The following SULT6B1 variants were observed in gnomAD, a reference collection of about 807,000 sequenced individuals.
The protein encoded by SULT6B1 is sulfotransferase family 6B member 1.
SULT6B1 carries 44 observed loss-of-function variants against 37.2 expected under a neutral mutation model. That is an observed-to-expected ratio of 1.18 (90% CI 0.93 to 1.52). The LOEUF is 1.52. SULT6B1 is among the 40% of genes most tolerant of loss of function. The pLI is 0.00. For synonymous variants in SULT6B1, 140 were observed against 126.0 expected (o/e 1.11, Z -0.74); for missense variants, 450 against 361.0 (o/e 1.25, Z -2.00).
In SULT6B1 at chr2:37,184,710, T is replaced by C. The variant is rs562486576; in HGVS notation, c.313-1196A>G. On this transcript the variant is annotated intron_variant, in intron 2 of 6. Transcript: ENST00000535679. ...AGCTGGGCGTGGTGGTGCACACCTG[T>C]AGTCCCAGCTACTCAGGAGGCTGAG... 1.9e-3 allele frequency among the ~76,000 whole-genome samples: 292 copies of C among 152,300 alleles called. 1 individual carries two copies. The highest frequency in any genetic ancestry group is 2.3e-3 in the Non-Finnish European group (159 of 68,030).
chr2:37,190,293 C>T (rs1676756126), upstream of SULT6B1, among the ~76,000 whole-genome samples: 1 of 152,186 alleles, frequency 6.6e-6, no homozygotes, highest in African/African-American at 2.4e-5. Flanking sequence ...TATGCTTCTT[C>T]CATTTTTCTA....
intron 3 of SULT6B1, among the ~76,000 whole-genome samples, chr2:37,180,526 C>A (rs1558448482): frequency 6.6e-6 from 1 of 152,242 alleles, no homozygotes; most frequent in East Asian, 1.9e-4. Context: ...GGTGGAGTAG[C>A]TTATGATTTC....
rs367596840 is a variant in SULT6B1 at position 37,171,538 on chromosome 2, G to A, written c.677C>T (p.Thr226Ile). Residue 226 changes from threonine to isoleucine, a missense_variant, in exon 6 of 7, where the codon ACT becomes ATT. Physicochemically the swap from Thr to Ile is moderately conservative, Grantham distance 89. Transcript: ENST00000535679. ...QIAEFLGFFL[T>I]GEQIQTISVQ... is the part of the protein sequence containing the mutation. Reference sequence around the variant, plus strand: ...TGAGATAGTTTGAATTTGCTCCCCAGTTAGAAAGAATCCCAAGAACTCAGC... The same window carrying A: ...TGAGATAGTTTGAATTTGCTCCCCAATTAGAAAGAATCCCAAGAACTCAGC... 34 of 1,614,042 alleles carry A rather than the reference G, an allele frequency of 2.1e-5. No homozygotes were observed. The highest frequency in any genetic ancestry group is 2.4e-5 in the Non-Finnish European group (28 of 1,180,018).
intron 3 of SULT6B1, 52 bp downstream of exon 3, chr2:37,183,373 A>G: frequency 7.1e-7 from 1 of 1,400,078 alleles, no homozygotes; most frequent in African/African-American, 1.4e-5. Flanking sequence ...TCCAAAAACT[A>G]ATATCTATAC....
chr2:37,176,446 G>A (rs892677321), intron 4 of SULT6B1, among the ~76,000 whole-genome samples: 3 of 151,830 alleles, frequency 2.0e-5, no homozygotes, highest in Admixed American at 2.0e-4. Flanking sequence ...TTTTGGTAGA[G>A]ACGAGGTTTC....
chr2:37,191,917 T>A (rs1292104024), upstream of SULT6B1, among the ~76,000 whole-genome samples: 1 of 152,198 alleles, frequency 6.6e-6, no homozygotes, highest in South Asian at 2.1e-4. Flanking sequence ...CTGGCATCCC[T>A]GTTTGGGTGT....
chr2:37,170,945 A>T (rs3891003), intron 6 of SULT6B1, among the ~76,000 whole-genome samples: 38,424 of 151,956 alleles, frequency 0.25, 5,604 homozygotes, highest in Middle Eastern at 0.35. Flanking sequence ...ACCCTAAAAG[A>T]TGGTATGGGG....
chr2:37,171,393 T>C (rs966106407), intron 6 of SULT6B1, 41 bp downstream of exon 6: 1 of 1,600,716 alleles, frequency 6.2e-7, no homozygotes, highest in Admixed American at 1.7e-5. Flanking sequence ...GCAAAGTCAG[T>C]CCCTAACTGA....
upstream of SULT6B1, chr2:37,188,679 A>G (rs150459345): frequency 1.0e-3 from 728 of 730,000 alleles, 3 homozygotes; most frequent in East Asian, 0.019. Flanking sequence ...GTGGCTGTTC[A>G]GGGGGAGTGA....
chr2:37,178,188 G>A (rs182619344), intron 4 of SULT6B1, among the ~76,000 whole-genome samples: 5 of 152,172 alleles, frequency 3.3e-5, no homozygotes, highest in African/African-American at 1.2e-4. Flanking sequence ...GAGATTACAG[G>A]CATGAGACAC....
At chr2:37,179,787 T>C (rs965479719) in intron 3 of SULT6B1, among the ~76,000 whole-genome samples, 4 of 152,048 alleles carry the variant, frequency 2.6e-5, no homozygotes, top group Non-Finnish European at 4.4e-5. Context: ...AAGAAAAAGA[T>C]TGATATTGTT....
At position 37,171,530 on chromosome 2, in the gene SULT6B1, G is replaced by T; in HGVS notation, c.685C>A (p.Gln229Lys). The T allele has an allele frequency of 6.2e-7, 1 of 1,614,114 alleles. No individual in the cohort carries two copies. Among genetic ancestry groups the T allele is most frequent in the Non-Finnish European group, 8.5e-7 (1 of 1,180,010 alleles). ...CTCTGGACTGAGATAGTTTGAATTT[G>T]CTCCCCAGTTAGAAAGAATCCCAAG... ...EFLGFFLTGE[Q>K]IQTISVQSTF... Residue 229 changes from glutamine to lysine, a missense_variant, in exon 6 of 7, where the codon CAA becomes AAA. Coordinates refer to ENST00000535679, the MANE Select transcript of SULT6B1 (RefSeq NM_001367551.1).
chr2:37,195,706 T>G (rs1487195253), intron 1 of SULT6B1, among the ~76,000 whole-genome samples: 1 of 152,234 alleles, frequency 6.6e-6, no homozygotes, highest in Non-Finnish European at 1.5e-5. Flanking sequence ...TTCAATATAC[T>G]TTTATATTCT....
chr2:37,191,850 A>G (rs1459780398), upstream of SULT6B1, among the ~76,000 whole-genome samples: 1 of 152,224 alleles, frequency 6.6e-6, no homozygotes, highest in Admixed American at 6.5e-5. Context: ...GGAGTGGAGC[A>G]ATGGGACTAA....
At chr2:37,177,688 A>G (rs1676461819) in intron 4 of SULT6B1, among the ~76,000 whole-genome samples, 1 of 152,206 alleles carries the variant, frequency 6.6e-6, no homozygotes, top group African/African-American at 2.4e-5. Flanking sequence ...ACCATATAAT[A>G]TTCGTTAAAA....
intron 6 of SULT6B1, among the ~76,000 whole-genome samples, 195 bp downstream of exon 6, chr2:37,171,238 TC>T (rs1224880634): frequency 6.6e-6 from 1 of 152,192 alleles, no homozygotes; most frequent in Non-Finnish European, 1.5e-5. Context: ...AGACTCCGTC[TC>T]AAAACAAACA....
In SULT6B1 at chr2:37,194,897, T is replaced by TTTCCTTCC. The variant is rs376397934; in HGVS notation, c.-22+1611_-22+1618dup. On this transcript the variant is annotated intron_variant, in intron 1 of 7. Coordinates refer to the SULT6B1 transcript ENST00000407963. ...CCTCCCTCCCTTCCTTCCTTCCTTC[T>TTTCCTTCC]TTCCTTCCTTCCTTCCTTCCTTCCT... Among the ~76,000 whole-genome samples, 519 of 68,516 alleles carry TTTCCTTCC rather than the reference T, an allele frequency of 7.6e-3. 2 individuals carry two copies. Among genetic ancestry groups the TTTCCTTCC allele is most frequent in the Non-Finnish European group, 0.011 (394 of 35,394 alleles). 44.9% of individuals were successfully genotyped at this position (68,516 alleles called of 152,430 possible). A position where few individuals can be genotyped will look rare whatever the true frequency, so the allele number is the denominator to read the frequency against.
chr2:37,178,919 C>T (rs1461387329), intron 4 of SULT6B1, among the ~76,000 whole-genome samples: 2 of 152,128 alleles, frequency 1.3e-5, no homozygotes, highest in Non-Finnish European at 2.9e-5. Flanking sequence ...CCACTCTGTA[C>T]TCATAGTCAA....
chr2:37,175,758 A>T (rs1391212766), intron 4 of SULT6B1, among the ~76,000 whole-genome samples: 3 of 152,236 alleles, frequency 2.0e-5, no homozygotes, highest in African/African-American at 7.2e-5. Flanking sequence ...GAAACATTAC[A>T]TTATTTTAAT....
Sources: allele counts gnomAD v4.1 joint callset (sites outside exome capture counted in the v4.1 genomes callset), GRCh38; gene constraint gnomAD v4.1.1; transcripts MANE v1.5; gene names NCBI Gene and HGNC (gene_info 2026-07-23, HGNC 2026-07-21).